The following KIZ variants were observed in gnomAD, a reference collection of about 807,000 sequenced individuals.
KIZ encodes the protein centrosomal protein kizuna.
Under a neutral mutation model 79.6 loss-of-function variants are expected in KIZ, and 68 were observed. The observed-to-expected ratio is 0.85, with a 90% confidence interval of 0.70 to 1.05. KIZ has a LOEUF of 1.05. Among genes scored for constraint, KIZ ranks in the 50% least tolerant of loss-of-function variants. The pLI is 0.00. For missense variants in KIZ, 797 were observed against 800.4 expected (o/e 1.00, Z 0.05); for synonymous variants, 280 against 281.8 (o/e 0.99, Z 0.06).
chr20:21,231,598 T>C (rs2036835608), intron 10 of KIZ, among the ~76,000 whole-genome samples: 1 of 152,214 alleles, frequency 6.6e-6, no homozygotes. Context: ...CTATGTTTGC[T>C]GTCACTGTCA....
chr20:21,240,690 G>A (rs1361814532), intron 11 of KIZ, among the ~76,000 whole-genome samples: 1 of 145,942 alleles, frequency 6.9e-6, no homozygotes, highest in East Asian at 2.0e-4. Context: ...GCCGTGCCCA[G>A]GCCACTGCCT....
At chr20:21,133,899 G>A (rs1484878266) in intron 2 of KIZ, among the ~76,000 whole-genome samples, 79 of 152,214 alleles carry the variant, frequency 5.2e-4, no homozygotes, top group Admixed American at 5.2e-3. Context: ...CTAATCCTGC[G>A]AAAGGAGATG....
At chr20:21,212,860 G>A (rs535145805) in intron 7 of KIZ, among the ~76,000 whole-genome samples, 3 of 152,300 alleles carry the variant, frequency 2.0e-5, no homozygotes, top group Middle Eastern at 3.4e-3. Flanking sequence ...ACCAGCCTTG[G>A]CCTGGCCTTC....
At chr20:21,149,027 T>C (rs1192745834) in intron 4 of KIZ, 1 of 152,234 alleles carries the variant, frequency 6.6e-6, no homozygotes, top group Admixed American at 6.5e-5. Context: ...GTTAACACTT[T>C]ATGTGTATCA....
intron 11 of KIZ, among the ~76,000 whole-genome samples, chr20:21,243,611 G>A (rs1007096694): frequency 6.6e-6 from 1 of 152,132 alleles, no homozygotes; most frequent in Non-Finnish European, 1.5e-5. Flanking sequence ...AATTGCAAAA[G>A]CTCCTGAAAA....
intron 11 of KIZ, among the ~76,000 whole-genome samples, chr20:21,239,252 G>C (rs1282849823): frequency 1.3e-5 from 2 of 152,226 alleles, no homozygotes; most frequent in Non-Finnish European, 2.9e-5. Context: ...AGCTGATTCT[G>C]TCTCAGCTTC....
chr20:21,156,172 T>C (rs919291591), intron 4 of KIZ, among the ~76,000 whole-genome samples: 1 of 152,190 alleles, frequency 6.6e-6, no homozygotes, highest in East Asian at 1.9e-4. Context: ...GTTTCCACCA[T>C]TGTTACCATC....
At chr20:21,206,212 T>C (rs1352282056) in intron 7 of KIZ, among the ~76,000 whole-genome samples, 1 of 152,172 alleles carries the variant, frequency 6.6e-6, no homozygotes, top group East Asian at 1.9e-4. Flanking sequence ...ATTCAGCAAA[T>C]GCCTATCGGT....
At chr20:21,162,684 G>C (rs1361322818) in intron 5 of KIZ, 166 bp from the exon 6 acceptor site, 2 of 793,674 alleles carry the variant, frequency 2.5e-6, no homozygotes, top group African/African-American at 3.5e-5. Flanking sequence ...TAAACCCACT[G>C]TGATTTTTTT....
intron 6 of KIZ, among the ~76,000 whole-genome samples, chr20:21,163,408 T>A (rs1353380454): frequency 6.6e-6 from 1 of 152,212 alleles, no homozygotes; most frequent in Non-Finnish European, 1.5e-5. Flanking sequence ...ATCATGGTGA[T>A]TGCAGCTTAT....
At chr20:21,154,974 G>A (rs753273102) in intron 4 of KIZ, among the ~76,000 whole-genome samples, 3 of 152,232 alleles carry the variant, frequency 2.0e-5, no homozygotes, top group Admixed American at 2.0e-4. Flanking sequence ...TGTGGAGCTA[G>A]TTCAAATGCA....
chr20:21,139,642 T>A (rs2032404336), intron 3 of KIZ, among the ~76,000 whole-genome samples: 1 of 152,086 alleles, frequency 6.6e-6, no homozygotes. Flanking sequence ...TATAACCAAA[T>A]TTGAGAGGAA....
chr20:21,209,518 G>A (rs2035976020), intron 7 of KIZ, among the ~76,000 whole-genome samples: 1 of 116,636 alleles, frequency 8.6e-6, no homozygotes, highest in South Asian at 2.5e-4. Context: ...ATGCTGGACT[G>A]TTTTCTTGTT....
chr20:21,171,119 T>C (rs1340432242), intron 6 of KIZ, among the ~76,000 whole-genome samples: 2 of 152,258 alleles, frequency 1.3e-5, no homozygotes, highest in Admixed American at 6.5e-5. Context: ...TTTAAAATTT[T>C]AGCCATTCTA....
At chr20:21,139,112 G>A (rs937064337) in intron 3 of KIZ, 1 of 146,718 alleles carries the variant, frequency 6.8e-6, no homozygotes, top group Non-Finnish European at 1.5e-5. Context: ...ATGGACTTGT[G>A]AATTTCTATT....
chr20:21,210,150 ATAGAAAAATTAGCCAGG>A (rs2036008718), intron 7 of KIZ, among the ~76,000 whole-genome samples: 1 of 152,124 alleles, frequency 6.6e-6, no homozygotes, highest in African/African-American at 2.4e-5. Context: ...TTTACTAAAA[ATAGAAAAATTAGCCAGG>A]TGTAATGGCA....
chr20:21,217,485 A>AT (rs1443553451), intron 9 of KIZ, among the ~76,000 whole-genome samples: 5 of 152,150 alleles, frequency 3.3e-5, no homozygotes, highest in Admixed American at 3.3e-4. Context: ...GTGTGGGTGC[A>AT]TGCTGGTTGT....
rs1179846849 is a variant in KIZ, at chr20:21,137,632, AT to A, written c.315+1091del. 6.0e-4 allele frequency among the ~76,000 whole-genome samples: 88 copies of A among 146,402 alleles called. No individual in the cohort carries two copies. In the Middle Eastern group the frequency reaches 0.01, roughly 17 times the overall value. ...CTTGTTATATTTGCTTTGTATGTGT[AT>A]TTTTTTTTTTCTCTGAGCCATTGAA... On this transcript the variant is annotated intron_variant, in intron 3 of 12. Transcript: ENST00000619189.
chr20:21,145,474 A>G (rs1005971681), intron 3 of KIZ, 91 bp from the exon 4 acceptor site: 57 of 441,972 alleles, frequency 1.3e-4, no homozygotes, highest in Admixed American at 3.5e-4. Flanking sequence ...TTCTACTTCA[A>G]TGCTCCCTGT....
Sources: gnomAD v4.1 joint callset for allele counts (sites outside exome capture counted in the v4.1 genomes callset) on GRCh38, gnomAD v4.1.1 for gene constraint, MANE v1.5 for transcripts, NCBI Gene and HGNC (gene_info 2026-07-23, HGNC 2026-07-21) for gene names.